SRGAP1: variants seen among roughly 807,000 people sequenced by gnomAD.
SRGAP1 encodes SLIT-ROBO Rho GTPase-activating protein 1.
In SRGAP1, 43 loss-of-function variants were observed where a neutral mutation model predicts 121.9. That is an observed-to-expected ratio of 0.35 (90% CI 0.28 to 0.46). The LOEUF is 0.46. SRGAP1 is among the 20% of genes least tolerant of loss of function. The pLI is 1.00. For synonymous variants in SRGAP1, 447 were observed against 485.4 expected (o/e 0.92, Z 1.04); for missense variants, 1,102 against 1,350.9 (o/e 0.82, Z 2.89).
In SRGAP1 at chr12:64,080,264, A is replaced by C. The variant is rs546077395; in HGVS notation, c.1324-22A>C. 3.0e-5 allele frequency: 48 copies of C among 1,582,810 alleles called. 1 individual carries two copies. The South Asian group carries it at 5.7e-4, about 19-fold the overall frequency. On this transcript the variant is annotated intron_variant, in intron 9 of 21. Coordinates refer to ENST00000355086, the MANE Select transcript of SRGAP1 (RefSeq NM_020762.4). ...GTCTCAAAAAAAAAAAAAGATTTAA[A>C]AATTATTCTTGCCTTTTGCAGAAAC... is the stretch of plus-strand genomic sequence containing the variant.
intron 1 of SRGAP1, among the ~76,000 whole-genome samples, chr12:63,914,266 T>C (rs946142518): frequency 6.6e-6 from 1 of 152,176 alleles, no homozygotes; most frequent in African/African-American, 2.4e-5. Context: ...TCTTAATCAC[T>C]TTTCCCTTCC....
At chr12:63,882,395 C>A (rs949237816) in intron 1 of SRGAP1, among the ~76,000 whole-genome samples, 7 of 152,090 alleles carry the variant, frequency 4.6e-5, no homozygotes, top group African/African-American at 1.7e-4. Flanking sequence ...AATTCTCCTG[C>A]CTCAGCCTCC....
In SRGAP1 at chr12:63,845,124, T is replaced by G. The variant is rs75525601; in HGVS notation, c.67+241T>G. On this transcript the variant is annotated intron_variant, in intron 1 of 21. Coordinates refer to ENST00000355086, the MANE Select transcript of SRGAP1 (RefSeq NM_020762.4). ...CCCCCGCCAGCTGCCAGCCCGCATC[T>G]CTAATGGGGAGAGAACTGGCTTTAA... is the stretch of plus-strand genomic sequence containing the variant. 5.8e-3 allele frequency among the ~76,000 whole-genome samples: 889 copies of G among 152,254 alleles called. 11 individuals carry two copies. Among genetic ancestry groups the G allele is most frequent in the African/African-American group, 0.019 (802 of 41,540 alleles).
At chr12:64,116,392 TTCC>T (rs1396377650) in intron 18 of SRGAP1, among the ~76,000 whole-genome samples, 1 of 152,120 alleles carries the variant, frequency 6.6e-6, no homozygotes, top group Non-Finnish European at 1.5e-5. Flanking sequence ...TCCTTTGCAC[TTCC>T]CTGATCTGAC....
chr12:64,025,274 G>T (rs972384543), intron 4 of SRGAP1, among the ~76,000 whole-genome samples: 2 of 151,988 alleles, frequency 1.3e-5, no homozygotes, highest in Admixed American at 1.3e-4. Context: ...GGCTGGTTTT[G>T]TGAGCCTCCC....
chr12:64,072,534 G>T (rs1415487646), intron 8 of SRGAP1, among the ~76,000 whole-genome samples: 1 of 151,986 alleles, frequency 6.6e-6, no homozygotes, highest in Non-Finnish European at 1.5e-5. Flanking sequence ...AAAAGGGGAG[G>T]GGAAATTTGG....
At chr12:63,856,832 T>C (rs894442590) in intron 1 of SRGAP1, among the ~76,000 whole-genome samples, 8 of 152,206 alleles carry the variant, frequency 5.3e-5, no homozygotes, top group African/African-American at 1.9e-4. Flanking sequence ...GAAAACACAT[T>C]GGCATTTTGA....
In SRGAP1 at chr12:64,119,171, A is replaced by G. The variant is rs867792834; in HGVS notation, c.2224+3278A>G. ...TCTCAGCATTAATTGTCCTTTCTCC[A>G]CTGCTCTACATCTTTGCCATAAATG... On this transcript the variant is annotated intron_variant, in intron 18 of 21. Coordinates refer to ENST00000355086, the MANE Select transcript of SRGAP1 (RefSeq NM_020762.4). Among the ~76,000 whole-genome samples, 33 of 152,182 alleles carry G rather than the reference A, an allele frequency of 2.2e-4. 1 individual carries two copies. Among genetic ancestry groups the G allele is most frequent in the African/African-American group, 7.2e-4 (30 of 41,520 alleles).
chr12:64,013,790 A>T (rs1272976401), intron 3 of SRGAP1, among the ~76,000 whole-genome samples: 2 of 152,202 alleles, frequency 1.3e-5, no homozygotes, highest in African/African-American at 2.4e-5. Context: ...TAATATACAC[A>T]CATGGCAAGG....
At chr12:64,032,369 G>A (rs1323078983) in intron 4 of SRGAP1, 1 of 440,302 alleles carries the variant, frequency 2.3e-6, no homozygotes, top group African/African-American at 2.1e-5. Flanking sequence ...GGTAGTATGA[G>A]ATACTTTCAT....
At chr12:64,112,947 G>T (rs1441905976) in intron 17 of SRGAP1, among the ~76,000 whole-genome samples, 1 of 151,990 alleles carries the variant, frequency 6.6e-6, no homozygotes, top group African/African-American at 2.4e-5. Flanking sequence ...ATACAGTTAG[G>T]TAGAAGGAAT....
At chr12:64,096,167 C>T (rs976842726) in intron 14 of SRGAP1, among the ~76,000 whole-genome samples, 1 of 152,132 alleles carries the variant, frequency 6.6e-6, no homozygotes, top group Non-Finnish European at 1.5e-5. Context: ...AATACATGAT[C>T]ATTTTTCCTT....
intron 6 of SRGAP1, among the ~76,000 whole-genome samples, chr12:64,051,316 A>G (rs1430965660): frequency 6.6e-6 from 1 of 152,166 alleles, no homozygotes; most frequent in African/African-American, 2.4e-5. Flanking sequence ...TCGATTTCCT[A>G]CATTTTATAG....
At chr12:63,963,683 G>C (rs2032706993) in intron 1 of SRGAP1, among the ~76,000 whole-genome samples, 1 of 152,008 alleles carries the variant, frequency 6.6e-6, no homozygotes, top group Admixed American at 6.6e-5. Flanking sequence ...CAACCTCTCT[G>C]TATCACCCAT....
chr12:63,982,492 A>G (rs1214253472), intron 1 of SRGAP1: 2 of 152,236 alleles, frequency 1.3e-5, no homozygotes, highest in African/African-American at 4.8e-5. Flanking sequence ...CCCATTCAGA[A>G]CCTGACCACC....
chr12:64,080,594 C>A, intron 10 of SRGAP1: 1 of 608,862 alleles, frequency 1.6e-6, no homozygotes. Context: ...CTAGGGAGGG[C>A]TGGAAAGTCA....
At chr12:64,023,170 AT>A (rs994766634) in intron 4 of SRGAP1, among the ~76,000 whole-genome samples, 78 of 131,378 alleles carry the variant, frequency 5.9e-4, no homozygotes, top group Non-Finnish European at 1.9e-4. Context: ...ATATATATGA[AT>A]TTTTTTATGA....
chr12:64,088,652 T>C (rs2035990489), intron 11 of SRGAP1, among the ~76,000 whole-genome samples: 1 of 152,212 alleles, frequency 6.6e-6, no homozygotes, highest in Admixed American at 6.5e-5. Flanking sequence ...ACCTCTGCCA[T>C]GGAAATTACT....
intron 6 of SRGAP1, among the ~76,000 whole-genome samples, chr12:64,050,585 A>G (rs2035219196): frequency 2.0e-5 from 3 of 152,224 alleles, no homozygotes; most frequent in Admixed American, 2.0e-4. Context: ...TATCTAATAC[A>G]TACCACATTT....
Sources: allele counts gnomAD v4.1 joint callset (sites outside exome capture counted in the v4.1 genomes callset), GRCh38; gene constraint gnomAD v4.1.1; transcripts MANE v1.5; gene names NCBI Gene and HGNC (gene_info 2026-07-23, HGNC 2026-07-21).